TTC6: variants seen among roughly 807,000 people sequenced by gnomAD.
The protein encoded by TTC6 is tetratricopeptide repeat domain 6, also known as tetratricopeptide repeat protein 6.
TTC6 carries 172 observed loss-of-function variants against 210.4 expected under a neutral mutation model. That is an observed-to-expected ratio of 0.82 (90% CI 0.72 to 0.93). The LOEUF (loss-of-function observed/expected upper bound fraction) is 0.93, where lower values mean the gene tolerates loss of function less well. Among genes scored for constraint, TTC6 ranks in the 40% least tolerant of loss-of-function variants. TTC6 has a pLI of 0.00. For synonymous variants in TTC6, 804 were observed against 819.6 expected (o/e 0.98, Z 0.32); for missense variants, 2,414 against 2,318.1 (o/e 1.04, Z -0.85).
At chr14:37,743,780 C>G (rs2095928062) in intron 10 of TTC6, among the ~76,000 whole-genome samples, 1 of 152,162 alleles carries the variant, frequency 6.6e-6, no homozygotes, top group Non-Finnish European at 1.5e-5. Context: ...CTCATTCTTG[C>G]CTCTTTAGTA....
At chr14:37,672,126 G>A (rs2095759477) in intron 1 of TTC6, among the ~76,000 whole-genome samples, 1 of 152,078 alleles carries the variant, frequency 6.6e-6, no homozygotes, top group South Asian at 2.1e-4. Flanking sequence ...AACAAAAGAG[G>A]CATATTAACT....
chr14:37,701,493 A>G, exon 5 of TTC6: 2 of 1,513,896 alleles, frequency 1.3e-6, no homozygotes, highest in Non-Finnish European at 1.8e-6. Flanking sequence ...TCTTTCTTAG[A>G]TGATCGCTTT....
At chr14:37,798,499 G>A (rs1023088337) in intron 20 of TTC6, among the ~76,000 whole-genome samples, 2 of 151,962 alleles carry the variant, frequency 1.3e-5, no homozygotes, top group South Asian at 2.1e-4. Context: ...TTCTTAAAAT[G>A]TTTAGTTCTG....
intron 7 of TTC6, among the ~76,000 whole-genome samples, chr14:37,734,391 A>G (rs2095895882): frequency 6.6e-6 from 1 of 152,184 alleles, no homozygotes; most frequent in Admixed American, 6.5e-5. Context: ...CAAATCTGCA[A>G]CTCAGAGTTG....
At chr14:37,790,446 G>A (rs535328582) in intron 15 of TTC6, among the ~76,000 whole-genome samples, 13 of 152,056 alleles carry the variant, frequency 8.5e-5, no homozygotes, top group South Asian at 2.1e-4. Flanking sequence ...TCACCTATAC[G>A]GTGAGTGGAC....
intron 3 of TTC6, among the ~76,000 whole-genome samples, chr14:37,696,361 T>C (rs544373599): frequency 1.3e-5 from 2 of 152,252 alleles, no homozygotes; most frequent in African/African-American, 4.8e-5. Context: ...TTTTTTAGCT[T>C]GTGGTTGTAA....
chr14:37,751,075 A>C, exon 13 of TTC6: 1 of 1,524,460 alleles, frequency 6.6e-7, no homozygotes, highest in South Asian at 1.2e-5. Flanking sequence ...CAAAAGCAGA[A>C]ATTTACAGGG....
chr14:37,599,371 A>G lies in TTC6; in HGVS notation c.-235+3363A>G, dbSNP rs553744128. Among the ~76,000 whole-genome samples, 27 of 152,318 alleles carry G rather than the reference A, an allele frequency of 1.8e-4. No individual in the cohort carries two copies. In the South Asian group the frequency reaches 2.3e-3, roughly 13 times the overall value. On this transcript the variant is annotated intron_variant, in intron 1 of 2. Coordinates refer to the TTC6 transcript ENST00000556845. ...GACGGGCCTTTGCAGGCAGTTCTGT[A>G]CAGAGTCCTAACCCGTAACGGGCCT...
rs1265705808 is a variant in TTC6 at position 37,727,710 on chromosome 14, A to T, written c.1818+2708A>T. Among the ~76,000 whole-genome samples, 5 of 150,670 alleles carry T rather than the reference A, an allele frequency of 3.3e-5. No homozygotes were observed. The East Asian group carries it at 7.7e-4, about 23-fold the overall frequency. On this transcript the variant is annotated intron_variant, in intron 7 of 30. Transcript: ENST00000553443. ...ACTTGACCTTATTTCAAACCTTTTC[A>T]TTTGCAGTGTCTTTATTTATTTTCA...
intron 29 of TTC6, among the ~76,000 whole-genome samples, chr14:37,839,354 G>T (rs572448293): frequency 6.6e-6 from 1 of 152,218 alleles, no homozygotes; most frequent in African/African-American, 2.4e-5. Context: ...GACATGAGAT[G>T]GTATCTCATT....
intron 14 of TTC6, among the ~76,000 whole-genome samples, chr14:37,781,840 C>T (rs1455159149): frequency 2.0e-5 from 3 of 152,192 alleles, no homozygotes; most frequent in Admixed American, 6.5e-5. Flanking sequence ...CAGCTTTCTA[C>T]ATATGGCTAG....
intron 14 of TTC6, among the ~76,000 whole-genome samples, chr14:37,768,227 G>A (rs528948644): frequency 6.6e-6 from 1 of 151,428 alleles, no homozygotes; most frequent in South Asian, 2.1e-4. Flanking sequence ...TTTGAAGTCA[G>A]GTAGAGTGAT....
At chr14:37,752,313 A>C (rs144561259) in intron 13 of TTC6, among the ~76,000 whole-genome samples, 201 of 152,170 alleles carry the variant, frequency 1.3e-3, no homozygotes, top group African/African-American at 4.6e-3. Context: ...CCTATTTATG[A>C]ATCCATGACA....
exon 10 of TTC6, chr14:37,739,058 C>G (rs1287717872): frequency 3.3e-6 from 5 of 1,534,328 alleles, no homozygotes; most frequent in Non-Finnish European, 4.4e-6. Flanking sequence ...CATTGTTTAT[C>G]CCAAGAAAAA....
At chr14:37,772,807 A>G (rs999851394) in intron 14 of TTC6, among the ~76,000 whole-genome samples, 2 of 152,108 alleles carry the variant, frequency 1.3e-5, no homozygotes, top group Non-Finnish European at 2.9e-5. Flanking sequence ...AGCTGTTCCT[A>G]TTCGGCCATC....
intron 1 of TTC6, among the ~76,000 whole-genome samples, chr14:37,670,826 T>C (rs766131447): frequency 6.6e-6 from 1 of 152,052 alleles, no homozygotes. Context: ...TTAAAAAGGC[T>C]AAGAAAAATT....
chr14:37,630,907 G>GTTTTTTTTTT (rs746429138), intron 1 of TTC6, among the ~76,000 whole-genome samples: 1 of 33,070 alleles, frequency 3.0e-5, no homozygotes, highest in Non-Finnish European at 5.1e-5. Context: ...GGCAACCCCT[G>GTTTTTTTTTT]TTTTTTTTTT....
intron 25 of TTC6, 68 bp downstream of exon 27, chr14:37,812,501 TTTA>T: frequency 7.1e-7 from 1 of 1,418,262 alleles, no homozygotes; most frequent in Admixed American, 2.6e-5. Flanking sequence ...TGAACAAGAT[TTTA>T]TTATTATCAA....
At chr14:37,737,240 A>G (rs1249371239) in intron 8 of TTC6, among the ~76,000 whole-genome samples, 3 of 152,066 alleles carry the variant, frequency 2.0e-5, no homozygotes, top group African/African-American at 7.2e-5. Context: ...AAAGGTTGAG[A>G]TTGCTCATGA....
Sources: allele counts gnomAD v4.1 joint callset (sites outside exome capture counted in the v4.1 genomes callset), GRCh38; gene constraint gnomAD v4.1.1; transcripts MANE v1.5; gene names NCBI Gene and HGNC (gene_info 2026-07-23, HGNC 2026-07-21).